GLG1: variants seen among roughly 807,000 people sequenced by gnomAD.
GLG1 encodes Golgi apparatus protein 1.
Under a neutral mutation model 160.5 loss-of-function variants are expected in GLG1, and 38 were observed. The ratio of observed to expected loss-of-function variants is 0.24; its 90% confidence interval spans 0.18 to 0.31. The LOEUF (loss-of-function observed/expected upper bound fraction) is 0.31. Ranked by LOEUF, GLG1 falls within the 10% of genes least tolerant of loss-of-function variation. The pLI is 1.00. For missense variants in GLG1, 1,373 were observed against 1,505.2 expected (o/e 0.91, Z 1.45); for synonymous variants, 644 against 543.4 (o/e 1.19, Z -2.57).
At chr16:74,470,259 C>T (rs2015148997) in intron 15 of GLG1, among the ~76,000 whole-genome samples, 186 bp from the exon 16 acceptor site, 1 of 151,542 alleles carries the variant, frequency 6.6e-6, no homozygotes. Flanking sequence ...AGGCTTCCTT[C>T]CTTCCTTCCC....
intron 1 of GLG1, among the ~76,000 whole-genome samples, chr16:74,585,332 C>T (rs1279930258): frequency 6.6e-6 from 1 of 151,660 alleles, no homozygotes; most frequent in African/African-American, 2.4e-5. Flanking sequence ...TCACTTGAAC[C>T]CAGGAGGTGG....
chr16:74,539,259 G>C (rs959055331), intron 1 of GLG1, among the ~76,000 whole-genome samples: 6 of 150,774 alleles, frequency 4.0e-5, no homozygotes, highest in African/African-American at 1.5e-4. Context: ...TTACTTGTGT[G>C]CTTCCCAAGT....
chr16:74,544,567 C>A (rs961269340), intron 1 of GLG1, among the ~76,000 whole-genome samples: 1 of 152,190 alleles, frequency 6.6e-6, no homozygotes, highest in Non-Finnish European at 1.5e-5. Flanking sequence ...AGTGCAATAG[C>A]GTGATCACGG....
At chr16:74,538,788 A>AT (rs1197321484) in intron 1 of GLG1, among the ~76,000 whole-genome samples, 6 of 147,652 alleles carry the variant, frequency 4.1e-5, no homozygotes, top group African/African-American at 1.5e-4. Flanking sequence ...TCTCAAGTGC[A>AT]TATCTAATCA....
In GLG1 at chr16:74,472,195, C is replaced by T. The variant is rs73606789; in HGVS notation, c.2115+154G>A. 9.3e-4 allele frequency among the ~76,000 whole-genome samples: 141 copies of T among 152,248 alleles called. No homozygotes were observed. The highest frequency in any genetic ancestry group is 3.2e-3 in the African/African-American group (133 of 41,542). On this transcript the variant is annotated intron_variant, in intron 14 of 25. Coordinates refer to ENST00000422840, the MANE Select transcript of GLG1 (RefSeq NM_001145667.2). ...GATTACAGGTATTGGTCACCACACC[C>T]GGCCTGTTTACATTTTTAATTTTAA... is the stretch of plus-strand genomic sequence containing the variant.
chr16:74,459,076 G>A (rs2014673983), intron 23 of GLG1, among the ~76,000 whole-genome samples: 1 of 152,158 alleles, frequency 6.6e-6, no homozygotes, highest in South Asian at 2.1e-4. Context: ...TGATAAAAGA[G>A]GCAAAGGAAA....
chr16:74,542,603 C>T (rs1321525236), intron 1 of GLG1, among the ~76,000 whole-genome samples: 4 of 146,780 alleles, frequency 2.7e-5, no homozygotes, highest in Non-Finnish European at 4.5e-5. Flanking sequence ...ACCCAGAAGG[C>T]GGAAGTTGCA....
At chr16:74,467,080 T>C (rs1222190884) in intron 18 of GLG1, among the ~76,000 whole-genome samples, 5 of 152,106 alleles carry the variant, frequency 3.3e-5, no homozygotes, top group African/African-American at 9.7e-5. Flanking sequence ...TACAGATCAT[T>C]ACAGACAAAG....
chr16:74,463,629 C>A, intron 19 of GLG1, 150 bp from the exon 20 acceptor site: 1 of 728,676 alleles, frequency 1.4e-6, no homozygotes, highest in African/African-American at 1.8e-5. Context: ...ACCTCCGCCT[C>A]CCGAGTTCAA....
chr16:74,541,311 A>C (rs1489431761), intron 1 of GLG1, among the ~76,000 whole-genome samples: 1 of 148,122 alleles, frequency 6.8e-6, no homozygotes, highest in Non-Finnish European at 1.5e-5. Flanking sequence ...GTAGCAGAGC[A>C]AGGCTCTGTC....
chr16:74,599,988 C>T (rs549192930), intron 1 of GLG1, among the ~76,000 whole-genome samples: 8 of 152,050 alleles, frequency 5.3e-5, no homozygotes, highest in Non-Finnish European at 1.2e-4. Context: ...GAGGTGAGAT[C>T]GCGCCACTGC....
intron 11 of GLG1, among the ~76,000 whole-genome samples, chr16:74,479,965 G>A (rs1371556069): frequency 6.6e-6 from 1 of 151,820 alleles, no homozygotes; most frequent in Non-Finnish European, 1.5e-5. Context: ...GAATTTAACT[G>A]TCCATTTGTG....
chr16:74,518,988 TA>T lies in GLG1; in HGVS notation c.472-10064del, dbSNP rs1381441549. 1.1e-4 allele frequency among the ~76,000 whole-genome samples: 16 copies of T among 152,296 alleles called. No individual in the cohort carries two copies. In the East Asian group the frequency reaches 2.9e-3, roughly 28 times the overall value. The stretch of plus-strand genomic sequence containing the variant: ...GACCCAGCAATCCCATCACTAGGCA[TA>T]TACCTAAAGGATTATAAATCATTAT... On this transcript the variant is annotated intron_variant, in intron 2 of 25. Transcript: ENST00000422840.
intron 21 of GLG1, 21 bp from the exon 22 acceptor site, chr16:74,462,216 A>G (rs1398221082): frequency 1.6e-6 from 2 of 1,269,412 alleles, no homozygotes; most frequent in Non-Finnish European, 2.3e-6. Flanking sequence ...CAAAGGGAGG[A>G]TACATGGGCT....
At chr16:74,478,353 G>A (rs2015466965) in intron 11 of GLG1, among the ~76,000 whole-genome samples, 2 of 152,112 alleles carry the variant, frequency 1.3e-5, no homozygotes, top group South Asian at 2.1e-4. Context: ...TCTTCTAGAT[G>A]AGCTATGAAG....
intron 22 of GLG1, among the ~76,000 whole-genome samples, chr16:74,460,290 G>A (rs2014737861): frequency 6.6e-6 from 1 of 152,166 alleles, no homozygotes; most frequent in South Asian, 2.1e-4. Flanking sequence ...AAAGGGCTGG[G>A]ATTACAGGGC....
At chr16:74,483,985 T>TC (rs1369935693) in intron 9 of GLG1, among the ~76,000 whole-genome samples, 4 of 151,876 alleles carry the variant, frequency 2.6e-5, no homozygotes, top group African/African-American at 9.7e-5. Context: ...TCTTTTTTTT[T>TC]CACAAGTTTG....
rs367678232 is a variant in GLG1 at position 74,447,791 on chromosome 16, C to A, written c.*5376G>T. ...CTGCCGGCTTTCCGGAGGTCTCTGC[C>A]CAGTGCACTGCAGGGGGACCTGGAG... On this transcript the variant is annotated 3_prime_UTR_variant, in exon 26 of 26. Coordinates refer to ENST00000422840, the MANE Select transcript of GLG1 (RefSeq NM_001145667.2). 2 of 152,348 alleles carry A rather than the reference C, an allele frequency of 1.3e-5. No individual in the cohort carries two copies. The highest frequency in any genetic ancestry group is 2.9e-5 in the Non-Finnish European group (2 of 68,122). The allele number at this position is 152,348 out of a possible 1,614,324, so 9.4% of individuals were successfully genotyped here. A position where few individuals can be genotyped will look rare whatever the true frequency, so the allele number is the denominator to read the frequency against.
chr16:74,519,559 G>GT (rs1172869068), intron 2 of GLG1, among the ~76,000 whole-genome samples: 1 of 39,240 alleles, frequency 2.5e-5, no homozygotes, highest in African/African-American at 7.9e-5. Context: ...TATGTTACTG[G>GT]TTTTTGAAAA....
Sources: allele counts gnomAD v4.1 joint callset (sites outside exome capture counted in the v4.1 genomes callset), GRCh38; gene constraint gnomAD v4.1.1; transcripts MANE v1.5; gene names NCBI Gene and HGNC (gene_info 2026-07-23, HGNC 2026-07-21).